SEZ6L2: variants seen among roughly 807,000 people sequenced by gnomAD.
SEZ6L2 encodes seizure 6-like protein 2.
A neutral mutation model predicts 97.0 loss-of-function variants in SEZ6L2; 44 were observed. The observed-to-expected ratio is 0.45, with a 90% confidence interval of 0.36 to 0.58. The LOEUF (loss-of-function observed/expected upper bound fraction) is 0.58, where lower values mean the gene tolerates loss of function less well. SEZ6L2 is among the 20% of genes least tolerant of loss of function. The pLI is 0.00. For synonymous variants in SEZ6L2, 543 were observed against 546.1 expected (o/e 0.99, Z 0.08); for missense variants, 1,086 against 1,233.3 (o/e 0.88, Z 1.79).
In SEZ6L2 at chr16:29,879,863, C is replaced by T; in HGVS notation, c.1573+1G>A. The T allele has an allele frequency of 1.3e-6, 2 of 1,592,270 alleles. No individual in the cohort carries two copies. Among genetic ancestry groups the T allele is most frequent in the Non-Finnish European group, 1.7e-6 (2 of 1,165,610 alleles). ...ACATGCCTGCGACAAGGAAGGCTCA[C>T]CTTTGCAGGCCGGCTCTGTGTCGTT... is the stretch of plus-strand genomic sequence containing the variant. On this transcript the variant is annotated splice_donor_variant, in intron 9 of 17. Transcript: ENST00000617533. LOFTEE classifies it high-confidence loss of function.
At chr16:29,897,797 G>A (rs1356178274) in intron 2 of SEZ6L2, 56 bp downstream of exon 2, 1 of 1,537,342 alleles carries the variant, frequency 6.5e-7, no homozygotes, top group East Asian at 2.3e-5. Flanking sequence ...CCATCTCCCT[G>A]AGCCCATATC....
intron 12 of SEZ6L2, among the ~76,000 whole-genome samples, chr16:29,875,765 C>T (rs1327442094): frequency 2.7e-5 from 4 of 148,268 alleles, no homozygotes; most frequent in Non-Finnish European, 5.9e-5. Flanking sequence ...CAGGTTCAAG[C>T]GATTCTCCTT....
intron 17 of SEZ6L2, among the ~76,000 whole-genome samples, chr16:29,871,981 T>TTGA (rs1440062814): frequency 1.3e-5 from 2 of 152,166 alleles, no homozygotes; most frequent in African/African-American, 4.8e-5. Context: ...AGCCGTATTC[T>TTGA]TGAGATGGGG....
rs968031687 is a variant in SEZ6L2 at position 29,896,871 on chromosome 16, C to A, written c.462G>T (p.Thr154=). The change falls in exon 3 of 18, where the codon ACG becomes ACT. Residue 154 remains threonine (T), a synonymous_variant. Coordinates refer to ENST00000617533, the MANE Select transcript of SEZ6L2 (RefSeq NM_001243332.2). ...LGPEGGEEET[T]TTIITTTTVT... ...CAGTTGTCGTGGTGATGATGGTGGT[C>A]GTCGTCTCCTCCTCTCCTCCCTCAG... The A allele has an allele frequency of 3.7e-6, 6 of 1,613,814 alleles. No homozygotes were observed. The highest frequency in any genetic ancestry group is 5.1e-6 in the Non-Finnish European group (6 of 1,179,920).
Position 29,873,353 on chromosome 16 carries a change from C to T in SEZ6L2, c.2375G>A (p.Gly792Asp). Residue 792 changes from glycine (G) to aspartate (D), a missense_variant, in exon 14 of 18, where the codon GGC becomes GAC. Transcript: ENST00000617533. This position sits in a 1 kb window ranked among gnomAD's most constrained non-coding sequence, Gnocchi z 4.3. ...QTLYKHHYQA[G>D]ESLRFFCYEG... Reference sequence around the variant, plus strand: ...ATAGCAGAAGAAGCGCAGAGACTCGCCCGCCTGGTAGTGGTGCTTGTACAG... The same window carrying T: ...ATAGCAGAAGAAGCGCAGAGACTCGTCCGCCTGGTAGTGGTGCTTGTACAG... 6.2e-7 allele frequency: 1 copy of T among 1,614,244 alleles called. No homozygotes were observed. Among genetic ancestry groups the T allele is most frequent in the Non-Finnish European group, 8.5e-7 (1 of 1,180,044 alleles).
chr16:29,887,402 G>A lies in SEZ6L2; in HGVS notation c.1208+247C>T, dbSNP rs1274558611. ...TGCAAGCTCTGCCTCCCGGGTTCAC[G>A]CCATTCTCCTGCCTCAGCCTCCCGA... On this transcript the variant is annotated intron_variant, in intron 7 of 17. Coordinates refer to ENST00000617533, the MANE Select transcript of SEZ6L2 (RefSeq NM_001243332.2). Among the ~76,000 whole-genome samples the A allele has an allele frequency of 3.3e-5, 5 of 149,380 alleles. No individual in the cohort carries two copies. In the South Asian group the frequency reaches 6.5e-4, roughly 19 times the overall value.
Position 29,873,427 on chromosome 16 carries a change from C to T in SEZ6L2, c.2301G>A (p.Lys767=). The T allele has an allele frequency of 6.2e-7, 1 of 1,614,230 alleles. No homozygotes were observed. The highest frequency in any genetic ancestry group is 8.5e-7 in the Non-Finnish European group (1 of 1,180,024). ...WSDRVPKCAL[K]YEPCLNPGVP... is the part of the protein sequence containing the mutation. ...CCCCCGGGTTCAGGCACGGCTCGTA[C>T]TTCACTGCGGGGAGCATGCCAGTCA... The change falls in exon 14 of 18, where the codon AAG becomes AAA. Residue 767 remains lysine, a synonymous_variant. Coordinates refer to ENST00000617533, the MANE Select transcript of SEZ6L2 (RefSeq NM_001243332.2). The surrounding 1 kb of genome is among the most constrained non-coding windows in gnomAD (Gnocchi z 4.3).
rs546113881 is a variant in SEZ6L2 at position 29,873,355 on chromosome 16, C to T, written c.2373G>A (p.Ala791=). ...YQTLYKHHYQ[A]GESLRFFCYE... is the part of the protein sequence containing the mutation. ...AGCAGAAGAAGCGCAGAGACTCGCC[C>T]GCCTGGTAGTGGTGCTTGTACAGCG... Residue 791 remains alanine (A), a synonymous_variant, in exon 14 of 18, where the codon GCG becomes GCA. Transcript: ENST00000617533. The surrounding 1 kb of genome is among the most constrained non-coding windows in gnomAD (Gnocchi z 4.3). 24 of 1,614,234 alleles carry T rather than the reference C, an allele frequency of 1.5e-5. No homozygotes were observed. The highest frequency in any genetic ancestry group is 6.7e-5 in the East Asian group (3 of 44,888).
At position 29,895,377 on chromosome 16, in the gene SEZ6L2, C is replaced by G; in HGVS notation, c.735G>C (p.Leu245=). The change falls in exon 5 of 18, where the codon CTG becomes CTC. Residue 245 remains leucine (L), a synonymous_variant. Transcript: ENST00000617533. The part of the protein sequence containing the change: ...GGSPGLAPRL[L]ANSSMLGEGQ... ...CTTCTCCAAGCATGGATGAGTTGGC[C>G]AGGAGTCGGGGGGCCAGGCCTGGGG... The G allele has an allele frequency of 6.2e-7, 1 of 1,614,024 alleles. No homozygotes were observed. Among genetic ancestry groups the G allele is most frequent in the Non-Finnish European group, 8.5e-7 (1 of 1,180,006 alleles).
intron 2 of SEZ6L2, among the ~76,000 whole-genome samples, 195 bp from the exon 3 acceptor site, chr16:29,897,316 C>G (rs1462175304): frequency 2.0e-5 from 3 of 150,734 alleles, no homozygotes; most frequent in Non-Finnish European, 3.0e-5. Flanking sequence ...CTGAGTCCCC[C>G]CTCTTTCTCT....
At chr16:29,877,754 A>G (rs1218961806) in intron 10 of SEZ6L2, among the ~76,000 whole-genome samples, 2 of 152,114 alleles carry the variant, frequency 1.3e-5, no homozygotes, top group African/African-American at 4.8e-5. Flanking sequence ...CTCCATCACC[A>G]TGAGATCCAC....
intron 9 of SEZ6L2, 82 bp from the exon 10 acceptor site, chr16:29,878,507 C>T (rs2067958588): frequency 6.8e-6 from 8 of 1,178,038 alleles, no homozygotes; most frequent in Admixed American, 2.9e-5. Flanking sequence ...ACTCGTGATG[C>T]GTGCACCACA....
chr16:29,899,088 C>G lies in SEZ6L2; in HGVS notation c.-69G>C, dbSNP rs906711747. Reference sequence around the variant, plus strand: ...TCTGGCTGCCACCTTTCCTCCGTCTCCGTTTATCTTTCCCTTTAATTGTTT... The same window carrying G: ...TCTGGCTGCCACCTTTCCTCCGTCTGCGTTTATCTTTCCCTTTAATTGTTT... On this transcript the variant is annotated 5_prime_UTR_variant, in exon 1 of 18. Transcript: ENST00000617533. 1 of 1,020,748 alleles carries G rather than the reference C, an allele frequency of 9.8e-7. No individual in the cohort carries two copies. The highest frequency in any genetic ancestry group is 1.4e-6 in the Non-Finnish European group (1 of 691,076). The allele number at this position is 1,020,748 out of a possible 1,614,324, so 63.2% of individuals were successfully genotyped here.
At chr16:29,890,655 C>T (rs1392086091) in intron 5 of SEZ6L2, among the ~76,000 whole-genome samples, 5 of 151,858 alleles carry the variant, frequency 3.3e-5, no homozygotes, top group African/African-American at 1.2e-4. Context: ...AGGAAGCCTT[C>T]CTGACTCTAC....
In SEZ6L2 at chr16:29,899,014, C is replaced by T. The variant is rs149205260; in HGVS notation, c.6G>A (p.Gly2=). 6.2e-7 allele frequency: 1 copy of T among 1,608,780 alleles called. No individual in the cohort carries two copies. Among genetic ancestry groups the T allele is most frequent in the South Asian group, 1.1e-5 (1 of 90,614 alleles). Residue 2 remains glycine, a synonymous_variant, in exon 1 of 18, where the codon GGG becomes GGA. Coordinates refer to ENST00000617533, the MANE Select transcript of SEZ6L2 (RefSeq NM_001243332.2). ...GCGGCGGGTGCTGGGCCCTGGGAGT[C>T]CCCATGGCGACTCACCCCGATCTCT... M[G]TPRAQHPPPP...
At chr16:29,893,710 A>ACTG (rs941836195) in intron 5 of SEZ6L2, among the ~76,000 whole-genome samples, 5 of 151,604 alleles carry the variant, frequency 3.3e-5, no homozygotes, top group Non-Finnish European at 5.9e-5. Context: ...AGTAGTCTGG[A>ACTG]CTGCTTACTG....
At position 29,876,645 on chromosome 16, in the gene SEZ6L2, C is replaced by T; in HGVS notation, c.2104+111G>A. On this transcript the variant is annotated intron_variant, in intron 12 of 17. Transcript: ENST00000617533. The surrounding 1 kb of genome is among the most constrained non-coding windows in gnomAD (Gnocchi z 6.5). The stretch of plus-strand genomic sequence containing the variant: ...CCTTGAAGAAGATCCAGGAAGGACC[C>T]CGAGCGAAGGGATGGAACCCAGAAA... 2.0e-6 allele frequency: 2 copies of T among 1,012,950 alleles called. No homozygotes were observed. Among genetic ancestry groups the T allele is most frequent in the Non-Finnish European group, 2.8e-6 (2 of 712,178 alleles). The allele number at this position is 1,012,950 out of a possible 1,614,324, so 62.7% of individuals were successfully genotyped here.
At chr16:29,874,158 T>G (rs1353679702) in intron 12 of SEZ6L2, among the ~76,000 whole-genome samples, 4 of 152,166 alleles carry the variant, frequency 2.6e-5, no homozygotes, top group Non-Finnish European at 5.9e-5. Flanking sequence ...CAGGCTTAAT[T>G]TTTTTCAAAA....
chr16:29,878,398 G>C lies in SEZ6L2; in HGVS notation c.1601C>G (p.Pro534Arg). The stretch of plus-strand genomic sequence containing the variant: ...GTCGGGAGAGAGGACCACGCCAGCT[G>C]GTTCCGACAGCTCCCCTCCACACAT... ...KAMCGGELSE[P>R]AGVVLSPDWP... is the part of the protein sequence containing the mutation. Residue 534 changes from proline (P) to arginine (R), a missense_variant, in exon 10 of 18, where the codon CCA (proline) becomes CGA (arginine). Physicochemically the swap from Pro to Arg is moderately radical, Grantham distance 103 (BLOSUM62 -2). Coordinates refer to ENST00000617533, the MANE Select transcript of SEZ6L2 (RefSeq NM_001243332.2). The C allele has an allele frequency of 6.2e-7, 1 of 1,605,820 alleles. No homozygotes were observed. The highest frequency in any genetic ancestry group is 8.5e-7 in the Non-Finnish European group (1 of 1,175,146).
Sources: allele counts gnomAD v4.1 joint callset (sites outside exome capture counted in the v4.1 genomes callset), GRCh38; gene constraint gnomAD v4.1.1; non-coding constraint Gnocchi (gnomAD v3.1); transcripts MANE v1.5; gene names NCBI Gene and HGNC (gene_info 2026-07-23, HGNC 2026-07-21).